Variants in RASGRF1 observed in about 807,000 individuals in gnomAD.
RASGRF1 encodes ras-specific guanine nucleotide-releasing factor 1.
A neutral mutation model predicts 138.7 loss-of-function variants in RASGRF1; 40 were observed. The observed-to-expected ratio is 0.29, with a 90% CI of 0.22 to 0.38. The LOEUF is 0.38. Ranked by LOEUF, RASGRF1 falls within the 10% of genes least tolerant of loss-of-function variation. RASGRF1 has a pLI of 1.00. For synonymous variants in RASGRF1, 614 were observed against 663.2 expected (o/e 0.93, Z 1.14); for missense variants, 1,108 against 1,650.4 (o/e 0.67, Z 5.69).
intron 24 of RASGRF1, among the ~76,000 whole-genome samples, chr15:78,976,340 T>C (rs1417658546): frequency 6.6e-6 from 1 of 152,126 alleles, no homozygotes; most frequent in Non-Finnish European, 1.5e-5. Context: ...AGAAGAATTG[T>C]CTTGGGCCAC....
chr15:79,063,866 G>T (rs770415565), intron 2 of RASGRF1, among the ~76,000 whole-genome samples: 1 of 152,158 alleles, frequency 6.6e-6, no homozygotes, highest in Non-Finnish European at 1.5e-5. Flanking sequence ...AGCCCCTGTT[G>T]TCTCTGTGGC....
rs960299183 is a variant in RASGRF1, at chr15:79,015,550, G to A, written c.1744-141C>T. ...CTTCAAGGGCATTGTCCTGGCAAAG[G>A]CAGGGTCAGCGTGGCGCATCCTTTA... On this transcript the variant is annotated intron_variant, in intron 12 of 26. Coordinates refer to ENST00000558480, the MANE Select transcript of RASGRF1 (RefSeq NM_001145648.3). The A allele has an allele frequency of 5.0e-5, 37 of 734,632 alleles. No individual in the cohort carries two copies. In the Admixed American group the frequency reaches 9.1e-4, roughly 18 times the overall value. 45.5% of individuals were successfully genotyped at this position (734,632 alleles called of 1,614,324 possible).
At chr15:79,045,645 C>G (rs372248793) in intron 5 of RASGRF1, among the ~76,000 whole-genome samples, 1 of 152,202 alleles carries the variant, frequency 6.6e-6, no homozygotes, top group East Asian at 1.9e-4. Flanking sequence ...CTGTCCCACC[C>G]CAGTGACTTT....
At position 78,971,948 on chromosome 15, in the gene RASGRF1, G is replaced by A. The variant is rs749068572; in HGVS notation, c.3613-14C>T. ...AATATGGGATATCTGTGGGAAGGAA[G>A]GAGTGTTTCAGAATGCAGTTTGCTC... On this transcript the variant is annotated splice_polypyrimidine_tract_variant and intron_variant, in intron 25 of 26. Coordinates refer to ENST00000558480, the MANE Select transcript of RASGRF1 (RefSeq NM_001145648.3). The A allele has an allele frequency of 1.4e-5, 22 of 1,565,956 alleles. No homozygotes were observed. In the Admixed American group the frequency reaches 3.5e-4, roughly 25 times the overall value.
chr15:79,026,796 T>C (rs917485606), intron 9 of RASGRF1, among the ~76,000 whole-genome samples: 1 of 152,048 alleles, frequency 6.6e-6, no homozygotes, highest in African/African-American at 2.4e-5. Flanking sequence ...TAAAATACTG[T>C]GTGAGAATAT....
chr15:79,029,720 G>A (rs540426477), intron 8 of RASGRF1, among the ~76,000 whole-genome samples: 3 of 152,130 alleles, frequency 2.0e-5, no homozygotes, highest in East Asian at 1.9e-4. Context: ...TTGTGGGAGC[G>A]TGAAAGGAGA....
chr15:79,015,560 C>T (rs546773028), intron 12 of RASGRF1, 151 bp from the exon 13 acceptor site: 7 of 676,834 alleles, frequency 1.0e-5, no homozygotes, highest in South Asian at 5.7e-5. Flanking sequence ...GCAGGGTCAG[C>T]GTGGCGCATC....
At position 79,025,229 on chromosome 15, in the gene RASGRF1, C is replaced by T. The variant is rs892581093; in HGVS notation, c.1542+85G>A. ...ACGTCTCTGACACCCCTGCCCACCA[C>T]CTGGGCCCATAGACCCTCTGGCCAG... On this transcript the variant is annotated intron_variant, in intron 10 of 26. Transcript: ENST00000558480. 3.5e-6 allele frequency: 5 copies of T among 1,430,930 alleles called. No individual in the cohort carries two copies. In the African/African-American group the frequency reaches 7.2e-5, roughly 20 times the overall value. The allele number at this position is 1,430,930 out of a possible 1,614,324, so 88.6% of individuals were successfully genotyped here.
chr15:79,076,093 A>C (rs1361428616), intron 1 of RASGRF1, among the ~76,000 whole-genome samples: 1 of 152,232 alleles, frequency 6.6e-6, no homozygotes, highest in Non-Finnish European at 1.5e-5. Flanking sequence ...CCAAATGGGC[A>C]AGCTGCTGGG....
chr15:79,014,494 A>G (rs1237053310), intron 13 of RASGRF1, among the ~76,000 whole-genome samples: 1 of 152,244 alleles, frequency 6.6e-6, no homozygotes, highest in Non-Finnish European at 1.5e-5. Context: ...CAGGGATGGA[A>G]AACCAAACAT....
chr15:79,032,020 GC>G lies in RASGRF1; in HGVS notation c.1152+102del. The G allele has an allele frequency of 7.3e-7, 1 of 1,362,420 alleles. No homozygotes were observed. The highest frequency in any genetic ancestry group is 9.9e-7 in the Non-Finnish European group (1 of 1,007,682). 84.4% of individuals were successfully genotyped at this position (1,362,420 alleles called of 1,614,324 possible). On this transcript the variant is annotated intron_variant, in intron 7 of 26. Coordinates refer to ENST00000558480, the MANE Select transcript of RASGRF1 (RefSeq NM_001145648.3). The surrounding 1 kb of genome is among the most constrained non-coding windows in gnomAD (Gnocchi z 4.5). ...ACCACCTCCCCCGCCCCCTTTGGCA[GC>G]CCAGAGCTGGGGTGCGTTAAGCACT...
intron 10 of RASGRF1, among the ~76,000 whole-genome samples, chr15:79,023,358 C>G (rs1434249028): frequency 2.6e-5 from 4 of 152,158 alleles, no homozygotes. Flanking sequence ...CTGTGAGGGT[C>G]AATGTCCTTA....
At chr15:79,012,632 T>A in intron 13 of RASGRF1, 2 of 1,508,196 alleles carry the variant, frequency 1.3e-6, no homozygotes, top group Non-Finnish European at 1.8e-6. Context: ...ATTCAAAATT[T>A]TGTTATTTTT....
rs538403843 is a variant in RASGRF1, at chr15:79,082,021, C to T, written c.276+8202G>A. 8.5e-5 allele frequency among the ~76,000 whole-genome samples: 13 copies of T among 152,332 alleles called. No individual in the cohort carries two copies. In the South Asian group the frequency reaches 2.3e-3, roughly 27 times the overall value. On this transcript the variant is annotated intron_variant, in intron 1 of 26. Transcript: ENST00000558480. The stretch of plus-strand genomic sequence containing the variant: ...TGCCCCTGTAAGCTCTGAGCTTACA[C>T]TCACACCACATACTATCCGTGTCCT...
Position 79,049,530 on chromosome 15 carries a change from T to A in RASGRF1, c.590A>T (p.Asn197Ile). ...RIQSTQTVAP[N>I]DEDSDIKKIK... ...TTTCTTGATGTCGCTGTCTTCATCGTTGGGGGCGACAGTCTGGGTGGACTG... is the reference window on the plus strand; with the variant it reads ...TTTCTTGATGTCGCTGTCTTCATCGATGGGGGCGACAGTCTGGGTGGACTG... The change falls in exon 4 of 27, where the codon AAC (asparagine) becomes ATC (isoleucine). Residue 197 changes from asparagine (N) to isoleucine (I), a missense_variant. By Grantham distance (149) the Asn-to-Ile change is moderately radical. This residue lies in a region of RASGRF1 where 253 missense variants were observed against 329.5 expected (regional missense o/e 0.77). Transcript: ENST00000558480. 6.2e-7 allele frequency: 1 copy of A among 1,614,030 alleles called. No individual in the cohort carries two copies. The highest frequency in any genetic ancestry group is 8.5e-7 in the Non-Finnish European group (1 of 1,179,996).
chr15:79,042,441 C>T lies in RASGRF1; in HGVS notation c.878+4305G>A, dbSNP rs146164478. On this transcript the variant is annotated intron_variant, in intron 5 of 26. Transcript: ENST00000558480. Reference sequence around the variant, plus strand: ...AGTGAGGTTCACATCCTGGATCAGCCCCCACAGCGTGGACAGCAAGTGAAA... The same window carrying T: ...AGTGAGGTTCACATCCTGGATCAGCTCCCACAGCGTGGACAGCAAGTGAAA... Among the ~76,000 whole-genome samples, 66 of 152,308 alleles carry T rather than the reference C, an allele frequency of 4.3e-4. No homozygotes were observed. In the Middle Eastern group the frequency reaches 0.01, roughly 24 times the overall value.
intron 6 of RASGRF1, among the ~76,000 whole-genome samples, chr15:79,033,479 G>T (rs1234150536): frequency 6.6e-6 from 1 of 151,910 alleles, no homozygotes; most frequent in Non-Finnish European, 1.5e-5. Context: ...TTGAACTCCT[G>T]CCCTCAAGTG....
chr15:78,996,251 G>A (rs1020168085), intron 19 of RASGRF1, among the ~76,000 whole-genome samples: 1 of 152,248 alleles, frequency 6.6e-6, no homozygotes. Context: ...GGACTGCAAG[G>A]ATGGAATTGG....
intron 1 of RASGRF1, among the ~76,000 whole-genome samples, chr15:79,089,958 C>A (rs1052069210): frequency 1.3e-5 from 2 of 152,232 alleles, no homozygotes; most frequent in Non-Finnish European, 2.9e-5. Flanking sequence ...GTCGGCCCCT[C>A]TGTACCCGCC....
Sources: gnomAD v4.1 joint callset for allele counts (sites outside exome capture counted in the v4.1 genomes callset) on GRCh38, gnomAD v4.1.1 for gene constraint, gnomAD v4.1.1 regional missense constraint, Gnocchi (gnomAD v3.1) non-coding constraint, MANE v1.5 for transcripts, NCBI Gene and HGNC (gene_info 2026-07-23, HGNC 2026-07-21) for gene names.